OPRM1: variants seen among roughly 807,000 people sequenced by gnomAD.
OPRM1 encodes the protein opioid receptor mu 1, also known as mu-type opioid receptor.
A neutral mutation model predicts 31.8 loss-of-function variants in OPRM1; 27 were observed. The ratio of observed to expected loss-of-function variants is 0.85; its 90% CI spans 0.63 to 1.17. OPRM1 has a LOEUF of 1.17. OPRM1 is among the 50% of genes most tolerant of loss of function. The pLI is 0.00. For synonymous variants in OPRM1, 196 were observed against 189.9 expected, an observed-to-expected ratio of 1.03 and a Z score of -0.26; for missense variants, 536 against 511.1, an observed-to-expected ratio of 1.05 and a Z score of -0.47.
chr6:154,195,034 G>A (rs978401936), intron 3 of OPRM1, among the ~76,000 whole-genome samples: 6 of 151,612 alleles, frequency 4.0e-5, no homozygotes, highest in African/African-American at 7.3e-5. Context: ...CTTCCTTCCC[G>A]TCTCCACTGC....
At chr6:154,190,625 C>G (rs920024525) in intron 3 of OPRM1, among the ~76,000 whole-genome samples, 1 of 152,184 alleles carries the variant, frequency 6.6e-6, no homozygotes, top group Non-Finnish European at 1.5e-5. Flanking sequence ...TAAACATACT[C>G]TTACCATACA....
intron 1 of OPRM1, among the ~76,000 whole-genome samples, chr6:154,018,992 G>A (rs982176090): frequency 6.6e-6 from 1 of 151,796 alleles, no homozygotes; most frequent in African/African-American, 2.4e-5. Flanking sequence ...GTGCCTAGTA[G>A]GTGTATATAC....
intron 3 of OPRM1, among the ~76,000 whole-genome samples, chr6:154,187,641 C>T (rs146771034): frequency 1.6e-3 from 238 of 152,290 alleles, no homozygotes; most frequent in African/African-American, 5.5e-3. Context: ...TGGCTTGGCT[C>T]ACATCATGTC....
chr6:154,083,743 C>T (rs898597118), intron 1 of OPRM1: 3 of 152,508 alleles, frequency 2.0e-5, no homozygotes, highest in Middle Eastern at 3.4e-3. Context: ...GAGATCGAGA[C>T]CATCCTGGCT....
rs190561406 is a variant in OPRM1 at position 154,121,619 on chromosome 6, T to G, written c.*2898T>G. On this transcript the variant is annotated 3_prime_UTR_variant, in exon 4 of 4. Coordinates refer to ENST00000330432, the MANE Select transcript of OPRM1 (RefSeq NM_000914.5). Reference sequence around the variant, plus strand: ...CTTGCAAATGTTATTATTGAATAAGTCTCACTTAGCTCATTTAATATTACC... The same window carrying G: ...CTTGCAAATGTTATTATTGAATAAGGCTCACTTAGCTCATTTAATATTACC... 9.8e-5 allele frequency among the ~76,000 whole-genome samples: 15 copies of G among 152,320 alleles called. No individual in the cohort carries two copies. The highest frequency in any genetic ancestry group is 9.2e-4 in the Admixed American group (14 of 15,294).
chr6:154,182,627 C>T (rs915201789), intron 3 of OPRM1, among the ~76,000 whole-genome samples: 14 of 152,136 alleles, frequency 9.2e-5, no homozygotes, highest in African/African-American at 2.7e-4. Flanking sequence ...GATATTTGAT[C>T]GCCTTTTTTT....
chr6:154,110,471 G>C, intron 3 of OPRM1: 1 of 1,125,034 alleles, frequency 8.9e-7, no homozygotes, highest in Non-Finnish European at 1.3e-6. Context: ...CCTGGGTTCT[G>C]CTGCTAGCCC....
intron 3 of OPRM1, chr6:154,159,239 CCTT>C (rs935023745): frequency 2.6e-5 from 4 of 154,092 alleles, no homozygotes; most frequent in African/African-American, 9.6e-5. Flanking sequence ...CACGCCTCCT[CCTT>C]CAGCTCTCCC....
intron 3 of OPRM1, among the ~76,000 whole-genome samples, chr6:154,141,311 C>G (rs1490516361): frequency 1.3e-5 from 2 of 152,166 alleles, no homozygotes; most frequent in Non-Finnish European, 2.9e-5. Flanking sequence ...GGTTAGCTTA[C>G]CCCTAAGTCT....
intron 3 of OPRM1, among the ~76,000 whole-genome samples, chr6:154,148,668 TC>T (rs1292480831): frequency 6.6e-6 from 1 of 152,158 alleles, no homozygotes; most frequent in Admixed American, 6.5e-5. Flanking sequence ...CACAAGGCTC[TC>T]CCCCAGACCT....
At chr6:154,057,589 G>A (rs1783561144) in intron 1 of OPRM1, among the ~76,000 whole-genome samples, 1 of 152,188 alleles carries the variant, frequency 6.6e-6, no homozygotes, top group Non-Finnish European at 1.5e-5. Flanking sequence ...ATAGTAGTGA[G>A]TGGAAAAGGC....
rs1792082974 is a variant in OPRM1, at chr6:154,091,205, C to T, written c.897C>T (p.His299=). ...TCATCGTCTGCTGGACTCCCATTCA[C>T]ATTTACGTCATCATTAAAGCCTTGG... ...AVFIVCWTPI[H]IYVIIKALVT... Residue 299 remains histidine, a synonymous_variant, in exon 3 of 4, where the codon CAC becomes CAT. Transcript: ENST00000330432. 1 of 1,614,202 alleles carries T rather than the reference C, an allele frequency of 6.2e-7. No homozygotes were observed. The highest frequency in any genetic ancestry group is 1.3e-5 in the African/African-American group (1 of 75,056).
chr6:154,241,695 A>C (rs924708565), intron 3 of OPRM1, among the ~76,000 whole-genome samples: 1 of 152,092 alleles, frequency 6.6e-6, no homozygotes, highest in Non-Finnish European at 1.5e-5. Flanking sequence ...TTTTCTCACC[A>C]TCTCCTAACT....
intron 3 of OPRM1, among the ~76,000 whole-genome samples, chr6:154,163,281 G>T (rs1238242601): frequency 6.6e-6 from 1 of 152,102 alleles, no homozygotes; most frequent in African/African-American, 2.4e-5. Context: ...TTCCTTAAAT[G>T]CCCTAGGCAC....
At chr6:154,186,183 C>T (rs1445313773) in intron 3 of OPRM1, among the ~76,000 whole-genome samples, 1 of 152,256 alleles carries the variant, frequency 6.6e-6, no homozygotes, top group African/African-American at 2.4e-5. Context: ...TCCACACAGA[C>T]TTGACTTCTC....
intron 3 of OPRM1, among the ~76,000 whole-genome samples, chr6:154,146,229 A>G (rs571803967): frequency 6.8e-4 from 104 of 152,288 alleles, no homozygotes; most frequent in Middle Eastern, 3.4e-3. Flanking sequence ...GTGAAACCCC[A>G]TCTCTATTAA....
At chr6:154,110,421 T>C (rs1218350517) in intron 3 of OPRM1, 4 of 1,493,400 alleles carry the variant, frequency 2.7e-6, no homozygotes, top group Admixed American at 2.0e-5. Context: ...ATAATTACAA[T>C]ATTTTCCCGT....
Position 154,039,557 on chromosome 6 carries a change from G to T in OPRM1, c.13G>T (p.Ala5Ser), listed in dbSNP as rs1223121173. The change falls in exon 1 of 4, where the codon GCT becomes TCT. Residue 5 changes from alanine to serine, a missense_variant. By Grantham distance (99) the Ala-to-Ser change is moderately conservative (BLOSUM62 1). Transcript: ENST00000330432. MDSS[A>S]APTNASNCTD... ...GGCCGTCAGTACCATGGACAGCAGC[G>T]CTGCCCCCACGAACGCCAGCAATTG... The T allele has an allele frequency of 1.2e-6, 2 of 1,611,442 alleles. No individual in the cohort carries two copies. The highest frequency in any genetic ancestry group is 2.7e-5 in the African/African-American group (2 of 74,902).
At chr6:154,237,783 T>C (rs1780249958) in intron 3 of OPRM1, among the ~76,000 whole-genome samples, 1 of 152,162 alleles carries the variant, frequency 6.6e-6, no homozygotes, top group Non-Finnish European at 1.5e-5. Context: ...TGAAATTATA[T>C]ACACACACAT....
Sources: gnomAD v4.1 joint callset for allele counts (sites outside exome capture counted in the v4.1 genomes callset) on GRCh38, gnomAD v4.1.1 for gene constraint, MANE v1.5 for transcripts, NCBI Gene and HGNC (gene_info 2026-07-23, HGNC 2026-07-21) for gene names.